Variants in COMMD7 observed in about 807,000 individuals in gnomAD.
COMMD7 encodes COMM domain containing 7, also known as COMM domain-containing protein 7.
A neutral mutation model predicts 34.8 loss-of-function variants in COMMD7; 28 were observed. The observed-to-expected ratio is 0.80, with a 90% CI of 0.60 to 1.10. The LOEUF (loss-of-function observed/expected upper bound fraction) is 1.10. Ranked by LOEUF, COMMD7 falls within the 50% of genes least tolerant of loss-of-function variation. The pLI is 0.00. For synonymous variants in COMMD7, 80 were observed against 86.4 expected (o/e 0.93, Z 0.41); for missense variants, 211 against 241.6 (o/e 0.87, Z 0.84).
intron 8 of COMMD7, chr20:32,703,696 A>G (rs764562760): frequency 1.7e-5 from 25 of 1,437,504 alleles, no homozygotes; most frequent in Admixed American, 2.8e-5. Flanking sequence ...TGGCACAAAG[A>G]GATGAAAGGG....
chr20:32,715,027 A>ATAAAT (rs1568778868), intron 3 of COMMD7, among the ~76,000 whole-genome samples: 3 of 150,200 alleles, frequency 2.0e-5, no homozygotes, highest in African/African-American at 7.3e-5. Flanking sequence ...TAAAAATAAA[A>ATAAAT]ATAAATAAAT....
intron 3 of COMMD7, among the ~76,000 whole-genome samples, chr20:32,719,396 C>T (rs1985010837): frequency 6.6e-6 from 1 of 152,106 alleles, no homozygotes; most frequent in African/African-American, 2.4e-5. Context: ...ACCTGTAATC[C>T]CAGCACTTTG....
chr20:32,740,557 T>C (rs181669723), intron 1 of COMMD7, among the ~76,000 whole-genome samples: 42 of 152,162 alleles, frequency 2.8e-4, no homozygotes, highest in African/African-American at 1.0e-3. Context: ...TGTTACCTAG[T>C]GATTGTCACA....
intron 3 of COMMD7, among the ~76,000 whole-genome samples, chr20:32,709,263 C>T (rs1229825584): frequency 1.3e-5 from 2 of 151,828 alleles, no homozygotes; most frequent in African/African-American, 2.4e-5. Context: ...GGCAAAACCC[C>T]GTCTCTACTA....
intron 5 of COMMD7, among the ~76,000 whole-genome samples, chr20:32,706,179 C>T (rs1259185116): frequency 4.8e-5 from 7 of 144,502 alleles, no homozygotes; most frequent in African/African-American, 1.3e-4. Flanking sequence ...GCCTGGGCAA[C>T]GAGAGCGAAA....
intron 1 of COMMD7, among the ~76,000 whole-genome samples, chr20:32,735,716 A>G (rs1306407079): frequency 6.6e-6 from 1 of 152,036 alleles, no homozygotes; most frequent in East Asian, 1.9e-4. Flanking sequence ...ACAGTGGGTG[A>G]TCATCATAGC....
intron 3 of COMMD7, among the ~76,000 whole-genome samples, chr20:32,714,124 C>CA (rs1172096973): frequency 1.3e-5 from 2 of 151,586 alleles, no homozygotes; most frequent in African/African-American, 4.8e-5. Context: ...AAAACAAAAA[C>CA]AAAAAAACCC....
chr20:32,719,873 T>C (rs1985048647), intron 3 of COMMD7, among the ~76,000 whole-genome samples: 1 of 151,958 alleles, frequency 6.6e-6, no homozygotes. Flanking sequence ...GACAGGAGAA[T>C]CATTTCAGCC....
At chr20:32,717,827 A>C (rs1302901614) in intron 3 of COMMD7, among the ~76,000 whole-genome samples, 1 of 151,990 alleles carries the variant, frequency 6.6e-6, no homozygotes, top group African/African-American at 2.4e-5. Context: ...AAAAAAGGCA[A>C]AAAAGGCCAG....
intron 3 of COMMD7, among the ~76,000 whole-genome samples, chr20:32,718,326 C>A (rs1229513411): frequency 6.6e-6 from 1 of 151,980 alleles, no homozygotes; most frequent in Non-Finnish European, 1.5e-5. Context: ...ATGGCGTGAA[C>A]CCGGGAGGCA....
intron 3 of COMMD7, among the ~76,000 whole-genome samples, chr20:32,710,328 A>G (rs1984360354): frequency 6.6e-6 from 1 of 152,168 alleles, no homozygotes; most frequent in Non-Finnish European, 1.5e-5. Context: ...GACTAGGCTC[A>G]TTTTGCCTAC....
intron 3 of COMMD7, among the ~76,000 whole-genome samples, chr20:32,712,136 G>A (rs1214596857): frequency 6.6e-6 from 1 of 151,938 alleles, no homozygotes; most frequent in African/African-American, 2.4e-5. Flanking sequence ...CGGGCGTGGT[G>A]GCAGGCGCCT....
At chr20:32,708,140 TGG>T (rs1984211139) in intron 3 of COMMD7, among the ~76,000 whole-genome samples, 1 of 152,126 alleles carries the variant, frequency 6.6e-6, no homozygotes, top group African/African-American at 2.4e-5. Context: ...TTCCCTGTGG[TGG>T]TCACCTTGTT....
chr20:32,705,590 A>G (rs1016322540), intron 5 of COMMD7, among the ~76,000 whole-genome samples: 7 of 151,760 alleles, frequency 4.6e-5, no homozygotes, highest in African/African-American at 7.3e-5. Flanking sequence ...AGGCAGGATG[A>G]TCTCGATCTC....
intron 5 of COMMD7, 137 bp from the exon 6 acceptor site, chr20:32,705,041 G>A (rs1458247105): frequency 9.2e-6 from 6 of 650,152 alleles, no homozygotes; most frequent in Middle Eastern, 5.0e-4. Flanking sequence ...GGTGCAGAAC[G>A]AAGGGCTCAG....
At chr20:32,721,512 A>G (rs1985154996) in intron 3 of COMMD7, among the ~76,000 whole-genome samples, 1 of 152,102 alleles carries the variant, frequency 6.6e-6, no homozygotes, top group Non-Finnish European at 1.5e-5. Flanking sequence ...TGGGAGGCTG[A>G]GGTGGGCGGA....
chr20:32,734,180 CA>C (rs1208862092), intron 1 of COMMD7, among the ~76,000 whole-genome samples: 21,450 of 79,850 alleles, frequency 0.27, 1,723 homozygotes, highest in Non-Finnish European at 0.32. Context: ...GACTCCGTCA[CA>C]AAAAAAAAAA....
At chr20:32,703,521 T>C in intron 8 of COMMD7, 63 bp from the exon 9 acceptor site, 6 of 1,570,758 alleles carry the variant, frequency 3.8e-6, no homozygotes, top group Non-Finnish European at 5.2e-6. Context: ...TCCAAGAAAA[T>C]TAATTTCCAC....
Position 32,703,331 on chromosome 20 carries a change from G to A in COMMD7, c.*51C>T, listed in dbSNP as rs753939296. The A allele has an allele frequency of 4.5e-6, 7 of 1,543,566 alleles. No individual in the cohort carries two copies. The highest frequency in any genetic ancestry group is 1.7e-4 in the Middle Eastern group (1 of 5,780). ...AAGTGCCTCTCAGAGCAGTCACCCA[G>A]GGAAGGGAGGAGGGCAGGGAACGGG... is the stretch of plus-strand genomic sequence containing the variant. On this transcript the variant is annotated 3_prime_UTR_variant, in exon 9 of 9. Transcript: ENST00000278980.
Sources: gnomAD v4.1 joint callset for allele counts (sites outside exome capture counted in the v4.1 genomes callset) on GRCh38, gnomAD v4.1.1 for gene constraint, MANE v1.5 for transcripts, NCBI Gene and HGNC (gene_info 2026-07-23, HGNC 2026-07-21) for gene names.